The following OPCML variants were observed in gnomAD, a reference collection of about 807,000 sequenced individuals.
The protein encoded by OPCML is opioid binding protein/cell adhesion molecule like, also known as opioid-binding protein/cell adhesion molecule.
OPCML carries 13 observed loss-of-function variants against 37.8 expected under a neutral mutation model. That is an observed-to-expected ratio of 0.34 (90% CI 0.22 to 0.55). The LOEUF is 0.55. Ranked by LOEUF, OPCML falls within the 20% of genes least tolerant of loss-of-function variation. The probability of loss-of-function intolerance (pLI) is 0.91; values close to 1 mark genes in which losing one functional copy is unlikely to be tolerated. For missense variants in OPCML, 341 were observed against 435.6 expected (o/e 0.78, Z 1.93); for synonymous variants, 176 against 168.8 (o/e 1.04, Z -0.33).
At chr11:132,732,296 C>A (rs935198227) in intron 2 of OPCML, among the ~76,000 whole-genome samples, 6 of 152,180 alleles carry the variant, frequency 3.9e-5, no homozygotes, top group Non-Finnish European at 7.3e-5. Context: ...CTAAGTCATA[C>A]ACCTAAGTGG....
intron 1 of OPCML, among the ~76,000 whole-genome samples, chr11:133,241,864 C>G (rs182232589): frequency 6.6e-6 from 1 of 152,190 alleles, no homozygotes; most frequent in Non-Finnish European, 1.5e-5. Flanking sequence ...ATTTTTCAGG[C>G]GGTTCCCTCC....
At chr11:133,326,866 T>C (rs1424431747) in intron 1 of OPCML, among the ~76,000 whole-genome samples, 9 of 108,062 alleles carry the variant, frequency 8.3e-5, no homozygotes, top group Non-Finnish European at 1.5e-4. Context: ...TAGTGACGTG[T>C]GGGTGTGGGG....
intron 1 of OPCML, among the ~76,000 whole-genome samples, chr11:133,379,931 T>G (rs1307900171): frequency 1.3e-5 from 2 of 152,218 alleles, no homozygotes; most frequent in Non-Finnish European, 2.9e-5. Context: ...CAGCCTCCAC[T>G]TAAAACCTTC....
chr11:132,714,992 C>G (rs976086483), intron 2 of OPCML, among the ~76,000 whole-genome samples: 10 of 152,248 alleles, frequency 6.6e-5, no homozygotes, highest in Admixed American at 5.9e-4. Flanking sequence ...GTTTCAATCC[C>G]TGCTCCAATC....
At chr11:133,090,047 T>C (rs969269542) in intron 1 of OPCML, among the ~76,000 whole-genome samples, 3 of 152,176 alleles carry the variant, frequency 2.0e-5, no homozygotes, top group Admixed American at 6.5e-5. Flanking sequence ...GAAACTTTAG[T>C]CTCCTCTGAA....
At chr11:133,357,328 A>G (rs1944311598) in intron 1 of OPCML, among the ~76,000 whole-genome samples, 1 of 152,222 alleles carries the variant, frequency 6.6e-6, no homozygotes. Flanking sequence ...TATGTAGTTA[A>G]TAACCCATGT....
chr11:133,491,359 C>A (rs561615183), intron 1 of OPCML, among the ~76,000 whole-genome samples: 1 of 152,142 alleles, frequency 6.6e-6, no homozygotes, highest in Non-Finnish European at 1.5e-5. Flanking sequence ...GAAGGCACCA[C>A]GACACACTAG....
intron 1 of OPCML, among the ~76,000 whole-genome samples, chr11:133,087,479 C>T (rs1309652375): frequency 6.6e-6 from 1 of 152,044 alleles, no homozygotes; most frequent in African/African-American, 2.4e-5. Context: ...CTACTGTTCC[C>T]ATCTTTATGT....
At chr11:133,207,979 C>T (rs185650496) in intron 1 of OPCML, among the ~76,000 whole-genome samples, 1 of 152,290 alleles carries the variant, frequency 6.6e-6, no homozygotes, top group East Asian at 1.9e-4. Context: ...CTCCTTTACC[C>T]ATCTACTTAG....
chr11:133,427,508 G>C (rs190091492), intron 1 of OPCML, among the ~76,000 whole-genome samples: 1 of 151,486 alleles, frequency 6.6e-6, no homozygotes, highest in Non-Finnish European at 1.5e-5. Context: ...CTATTAGAAA[G>C]AAAAATTTAA....
chr11:132,514,725 A>G (rs1263383043), intron 4 of OPCML, among the ~76,000 whole-genome samples: 1 of 152,140 alleles, frequency 6.6e-6, no homozygotes, highest in Non-Finnish European at 1.5e-5. Flanking sequence ...AAAAAGATAC[A>G]AAGTGTGGTA....
intron 1 of OPCML, among the ~76,000 whole-genome samples, chr11:133,347,649 G>A (rs1944033887): frequency 6.6e-6 from 1 of 152,200 alleles, no homozygotes. Flanking sequence ...TGAAGATCCT[G>A]TCTGTATTTG....
At chr11:133,136,870 TG>T in intron 1 of OPCML, among the ~76,000 whole-genome samples, 3 of 141,618 alleles carry the variant, frequency 2.1e-5, no homozygotes, top group African/African-American at 2.9e-5. Flanking sequence ...TGTGTGTGTG[TG>T]TGTGTTGGGG....
intron 1 of OPCML, among the ~76,000 whole-genome samples, chr11:133,194,395 A>G (rs1938453230): frequency 6.6e-6 from 1 of 152,038 alleles, no homozygotes; most frequent in South Asian, 2.1e-4. Flanking sequence ...TTTTTAGAAG[A>G]TATGGGGTTT....
chr11:133,523,220 G>A (rs1052190358), intron 1 of OPCML, among the ~76,000 whole-genome samples: 12 of 152,206 alleles, frequency 7.9e-5, no homozygotes, highest in African/African-American at 2.7e-4. Context: ...AGACCGCCAA[G>A]AAGTATGGGA....
intron 1 of OPCML, among the ~76,000 whole-genome samples, chr11:133,216,513 G>T (rs576612811): frequency 4.6e-5 from 7 of 152,294 alleles, no homozygotes; most frequent in Admixed American, 1.3e-4. Context: ...TCACAGAGGT[G>T]CTAGTTACAT....
At chr11:132,675,351 A>G (rs1365766520) in intron 2 of OPCML, among the ~76,000 whole-genome samples, 2 of 152,062 alleles carry the variant, frequency 1.3e-5, no homozygotes, top group Admixed American at 1.3e-4. Flanking sequence ...GACACAATGT[A>G]TAGCTCTTAA....
At chr11:132,514,541 G>C (rs1011904202) in intron 4 of OPCML, among the ~76,000 whole-genome samples, 2 of 152,174 alleles carry the variant, frequency 1.3e-5, no homozygotes, top group Non-Finnish European at 2.9e-5. Flanking sequence ...TGGAGGGCCT[G>C]GGCTCTCGGG....
chr11:132,835,073 T>C (rs1940932959), intron 2 of OPCML, among the ~76,000 whole-genome samples: 2 of 151,822 alleles, frequency 1.3e-5, no homozygotes, highest in South Asian at 4.2e-4. Context: ...ATAAAATTGA[T>C]TTCATCAGCT....
Sources: allele counts gnomAD v4.1 joint callset (sites outside exome capture counted in the v4.1 genomes callset), GRCh38; gene constraint gnomAD v4.1.1; transcripts MANE v1.5; gene names NCBI Gene and HGNC (gene_info 2026-07-23, HGNC 2026-07-21).